Variants in PLCG2 observed in about 807,000 individuals in gnomAD.
PLCG2 encodes the protein 1-phosphatidylinositol 4,5-bisphosphate phosphodiesterase gamma-2.
Under a neutral mutation model 175.6 loss-of-function variants are expected in PLCG2, and 69 were observed. The ratio of observed to expected loss-of-function variants is 0.39; its 90% confidence interval spans 0.32 to 0.48. The LOEUF (loss-of-function observed/expected upper bound fraction) is 0.48, where lower values mean the gene tolerates loss of function less well. PLCG2 is among the 20% of genes least tolerant of loss of function. The pLI is 0.91. For synonymous variants in PLCG2, 827 were observed against 624.0 expected, an observed-to-expected ratio of 1.33 and a Z score of -4.85; for missense variants, 1,798 against 1,650.9, an observed-to-expected ratio of 1.09 and a Z score of -1.54.
chr16:81,796,399 T>A (rs1012119679), intron 2 of PLCG2, among the ~76,000 whole-genome samples: 2 of 152,208 alleles, frequency 1.3e-5, no homozygotes, highest in Admixed American at 1.3e-4. Flanking sequence ...ATGAGCAGGC[T>A]GCTTTGGAGA....
intron 2 of PLCG2, among the ~76,000 whole-genome samples, chr16:81,853,805 C>G (rs989008645): frequency 9.2e-5 from 14 of 152,300 alleles, no homozygotes; most frequent in African/African-American, 2.9e-4. Flanking sequence ...CCATTAGTAA[C>G]AGTCCATTAC....
intron 20 of PLCG2, among the ~76,000 whole-genome samples, chr16:81,920,987 G>A (rs967260125): frequency 2.0e-5 from 3 of 152,174 alleles, no homozygotes; most frequent in Non-Finnish European, 4.4e-5. Context: ...CCAGGACAGG[G>A]CCTCTCTGAT....
chr16:81,781,891 A>T (rs1458530186), intron 1 of PLCG2, among the ~76,000 whole-genome samples: 1 of 114,196 alleles, frequency 8.8e-6, no homozygotes, highest in South Asian at 2.6e-4. Context: ...CCCGCCCCCG[A>T]GACGGAGTCT....
chr16:81,851,073 A>C (rs559020998), intron 2 of PLCG2, among the ~76,000 whole-genome samples: 2 of 152,100 alleles, frequency 1.3e-5, no homozygotes, highest in African/African-American at 2.4e-5. Flanking sequence ...TCCTTTCTCT[A>C]CTTTCTCTCA....
rs764049351 is a variant in PLCG2 at position 81,928,636 on chromosome 16, C to T, written c.2581+12C>T. ...TACCTATAACGTCGGTACGTGCACA[C>T]ATCATCTTAGCCTGGATTTCCACCC... On this transcript the variant is annotated intron_variant, in intron 24 of 32. Coordinates refer to ENST00000564138, the MANE Select transcript of PLCG2 (RefSeq NM_002661.5). The T allele has an allele frequency of 2.5e-5, 39 of 1,576,032 alleles. No homozygotes were observed. The South Asian group carries it at 4.0e-4, about 16-fold the overall frequency.
intron 2 of PLCG2, among the ~76,000 whole-genome samples, chr16:81,795,432 G>C (rs149078300): frequency 1.1e-4 from 17 of 152,132 alleles, no homozygotes; most frequent in African/African-American, 4.1e-4. Context: ...TATTAGTGAA[G>C]GTAGCCTAAT....
chr16:81,743,862 T>C (rs1461762710), intron 1 of PLCG2, among the ~76,000 whole-genome samples: 2 of 135,756 alleles, frequency 1.5e-5, no homozygotes, highest in Admixed American at 1.5e-4. Context: ...TTTTTTTCTT[T>C]TTCTTTTTTT....
At chr16:81,856,319 G>A (rs868191113) in intron 3 of PLCG2, among the ~76,000 whole-genome samples, 1 of 152,170 alleles carries the variant, frequency 6.6e-6, no homozygotes, top group Non-Finnish European at 1.5e-5. Flanking sequence ...TTTTACAGGT[G>A]AGATGAGGCA....
At chr16:81,749,773 A>G (rs1471579660) in intron 1 of PLCG2, among the ~76,000 whole-genome samples, 1 of 152,236 alleles carries the variant, frequency 6.6e-6, no homozygotes, top group Admixed American at 6.5e-5. Context: ...TTTACACAGC[A>G]AATGATTTAT....
intron 2 of PLCG2, among the ~76,000 whole-genome samples, chr16:81,847,706 CTT>C (rs1906198199): frequency 6.6e-6 from 1 of 152,096 alleles, no homozygotes; most frequent in Admixed American, 6.6e-5. Flanking sequence ...CATGGACAAA[CTT>C]TTTTGTTGTC....
At chr16:81,777,310 C>A (rs1408057178), upstream of PLCG2, among the ~76,000 whole-genome samples, 1 of 152,012 alleles carries the variant, frequency 6.6e-6, no homozygotes, top group Non-Finnish European at 1.5e-5. Flanking sequence ...CTCCCCTATC[C>A]ATGTAGACTT....
chr16:81,820,273 G>T (rs577218412), intron 2 of PLCG2, among the ~76,000 whole-genome samples: 6 of 152,282 alleles, frequency 3.9e-5, no homozygotes, highest in Admixed American at 2.6e-4. Flanking sequence ...TCCATCGCAG[G>T]AGAGAGGGTT....
In PLCG2 at chr16:81,946,256, C is replaced by A; in HGVS notation, c.3563C>A (p.Pro1188Gln). The A allele has an allele frequency of 6.2e-7, 1 of 1,612,768 alleles. No homozygotes were observed. The highest frequency in any genetic ancestry group is 8.5e-7 in the Non-Finnish European group (1 of 1,178,786). Residue 1188 changes from proline (P) to glutamine (Q), a missense_variant, in exon 31 of 33, where the codon CCA (proline) becomes CAA (glutamine). Coordinates refer to ENST00000564138, the MANE Select transcript of PLCG2 (RefSeq NM_002661.5). ...ASLLVFCEMR[P>Q]VLESEEELYS... ...CTCCTGGTTTTCTGTGAGATGCGGC[C>A]AGTCCTGGTGAGTGGAGAAACACCA...
chr16:81,807,954 CA>C (rs2143280806), intron 2 of PLCG2, among the ~76,000 whole-genome samples: 1 of 152,368 alleles, frequency 6.6e-6, no homozygotes, highest in African/African-American at 2.4e-5. Flanking sequence ...ATGAGCAATT[CA>C]TCCCCATGAT....
chr16:81,783,782 C>G (rs1029917139), intron 1 of PLCG2, among the ~76,000 whole-genome samples: 3 of 152,100 alleles, frequency 2.0e-5, no homozygotes, highest in Admixed American at 2.0e-4. Flanking sequence ...ATCAGGAGGT[C>G]ATTTTGGGTT....
intron 30 of PLCG2, among the ~76,000 whole-genome samples, chr16:81,943,659 C>G (rs1448664761): frequency 1.3e-5 from 2 of 152,196 alleles, no homozygotes; most frequent in Non-Finnish European, 2.9e-5. Flanking sequence ...TGCATTTTAA[C>G]AAGATTCACA....
At chr16:81,876,735 A>G (rs1907809315) in intron 7 of PLCG2, among the ~76,000 whole-genome samples, 1 of 152,242 alleles carries the variant, frequency 6.6e-6, no homozygotes, top group Non-Finnish European at 1.5e-5. Context: ...AGGTCCTGGG[A>G]TGTTGCCCAG....
chr16:81,943,067 T>C (rs573303669), intron 30 of PLCG2, among the ~76,000 whole-genome samples: 52 of 152,270 alleles, frequency 3.4e-4, no homozygotes, highest in African/African-American at 1.2e-3. Flanking sequence ...TGTCAGATAG[T>C]ACTGTCCAGC....
intron 23 of PLCG2, among the ~76,000 whole-genome samples, chr16:81,927,609 T>C (rs1910328788): frequency 1.3e-5 from 2 of 152,156 alleles, no homozygotes; most frequent in Admixed American, 6.5e-5. Flanking sequence ...CTGGTGGTTG[T>C]TCCCTCGCCG....
Sources: allele counts gnomAD v4.1 joint callset (sites outside exome capture counted in the v4.1 genomes callset), GRCh38; gene constraint gnomAD v4.1.1; transcripts MANE v1.5; gene names NCBI Gene and HGNC (gene_info 2026-07-23, HGNC 2026-07-21).